ADAM19: variants seen among roughly 807,000 people sequenced by gnomAD.
The protein encoded by ADAM19 is disintegrin and metalloproteinase domain-containing protein 19.
In ADAM19, 65 loss-of-function variants were observed where a neutral mutation model predicts 114.7. The observed-to-expected ratio is 0.57, with a 90% CI of 0.46 to 0.70. The LOEUF (loss-of-function observed/expected upper bound fraction) is 0.70, where lower values mean the gene tolerates loss of function less well. ADAM19 is among the 30% of genes least tolerant of loss of function. ADAM19 has a pLI of 0.00. For missense variants in ADAM19, 1,063 were observed against 1,204.7 expected (o/e 0.88, Z 1.74); for synonymous variants, 466 against 460.5 (o/e 1.01, Z -0.15).
At position 157,497,072 on chromosome 5, in the gene ADAM19, G is replaced by T. The variant is rs1223702544; in HGVS notation, c.1416C>A (p.Thr472=). The T allele has an allele frequency of 6.6e-7, 1 of 1,526,172 alleles. No homozygotes were observed. Among genetic ancestry groups the T allele is most frequent in the East Asian group, 2.6e-5 (1 of 38,464 alleles). The allele number at this position is 1,526,172 out of a possible 1,614,324, so 94.5% of individuals were successfully genotyped here. Residue 472 remains threonine, a synonymous_variant, in exon 14 of 23, where the codon ACC becomes ACA. Coordinates refer to ENST00000257527, the MANE Select transcript of ADAM19 (RefSeq NM_033274.5). ...ACTGCCTGGCCTGCTCGCGGCACAG[G>T]GTCCCAGGAGCCAACAGCTGAGCCA... The part of the protein sequence containing the change: ...CHQCKLLAPG[T]LCREQARQCD...
intron 9 of ADAM19, among the ~76,000 whole-genome samples, chr5:157,507,724 C>T (rs990448981): frequency 1.1e-4 from 17 of 152,196 alleles, no homozygotes; most frequent in Admixed American, 6.5e-5. Context: ...CAAGAATGAG[C>T]TGTTTCTGCC....
At chr5:157,572,803 A>T (rs960352021) in intron 1 of ADAM19, among the ~76,000 whole-genome samples, 1 of 152,202 alleles carries the variant, frequency 6.6e-6, no homozygotes, top group Non-Finnish European at 1.5e-5. Flanking sequence ...TAATCTCAGC[A>T]CTTTGGAGGT....
At chr5:157,535,013 C>G (rs553171633) in intron 4 of ADAM19, among the ~76,000 whole-genome samples, 126 of 151,970 alleles carry the variant, frequency 8.3e-4, no homozygotes, top group African/African-American at 3.0e-3. Context: ...GTTACTTTTC[C>G]CCTTCTCCTC....
At chr5:157,553,146 T>C (rs1036025229) in intron 3 of ADAM19, among the ~76,000 whole-genome samples, 7 of 152,310 alleles carry the variant, frequency 4.6e-5, no homozygotes, top group Admixed American at 2.0e-4. Context: ...CTACAGTCTA[T>C]AATAATTTAA....
At chr5:157,524,875 G>T (rs967628680) in intron 5 of ADAM19, among the ~76,000 whole-genome samples, 20 of 152,218 alleles carry the variant, frequency 1.3e-4, no homozygotes, top group African/African-American at 4.6e-4. Flanking sequence ...ACAGCTAACG[G>T]TCATTGATTG....
chr5:157,549,496 CCATT>C (rs1757132478), intron 3 of ADAM19, among the ~76,000 whole-genome samples: 1 of 152,174 alleles, frequency 6.6e-6, no homozygotes, highest in Non-Finnish European at 1.5e-5. Context: ...TTCTCATTCT[CCATT>C]CATCTCATCT....
In ADAM19 at chr5:157,509,327, C is replaced by T. The variant is rs769208886; in HGVS notation, c.879G>A (p.Lys293=). Residue 293 remains lysine (K), a synonymous_variant, in exon 9 of 23, where the codon AAG becomes AAA. Transcript: ENST00000257527. ...TGATTAATTGGGCGTTGTCATGGTA[C>T]TTCTGGGCAAGCAGCTTGCGCCTCC... ...LSWRRKLLAQ[K]YHDNAQLITG... The T allele has an allele frequency of 6.2e-7, 1 of 1,611,456 alleles. No individual in the cohort carries two copies.
chr5:157,545,141 G>T (rs1757014425), intron 3 of ADAM19, among the ~76,000 whole-genome samples: 1 of 152,142 alleles, frequency 6.6e-6, no homozygotes, highest in Admixed American at 6.5e-5. Context: ...TCATAAACTT[G>T]CCCAATGTTT....
At chr5:157,541,450 T>C (rs1245808920) in intron 3 of ADAM19, among the ~76,000 whole-genome samples, 1 of 152,192 alleles carries the variant, frequency 6.6e-6, no homozygotes, top group East Asian at 1.9e-4. Flanking sequence ...CAGAAATCAG[T>C]AGGACACTCT....
intron 3 of ADAM19, among the ~76,000 whole-genome samples, chr5:157,552,677 CAAAAAAAAAA>C (rs778402112): frequency 1.7e-5 from 1 of 59,380 alleles, no homozygotes; most frequent in Non-Finnish European, 3.3e-5. Flanking sequence ...GGACTCTACT[CAAAAAAAAAA>C]AAAAAAAAAA....
intron 12 of ADAM19, among the ~76,000 whole-genome samples, chr5:157,501,776 C>A (rs569359799): frequency 6.7e-6 from 1 of 149,768 alleles, no homozygotes; most frequent in Non-Finnish European, 1.5e-5. Context: ...AGGCAGGGTG[C>A]GGTGGCTCAC....
rs1398417852 is a variant in ADAM19, at chr5:157,568,733, AAG to A, written c.180+2160_180+2161del. ...TGAGCTTTAAGTCAGTGATGAGAAA[AAG>A]AGAAGAAAAAAATGTTTAATGAGTG... is the stretch of plus-strand genomic sequence containing the variant. On this transcript the variant is annotated intron_variant, in intron 2 of 22. Transcript: ENST00000257527. 4 of 152,308 alleles carry A rather than the reference AAG, an allele frequency of 2.6e-5. No homozygotes were observed. The South Asian group carries it at 6.2e-4, about 24-fold the overall frequency. The allele number at this position is 152,308 out of a possible 1,614,324, so 9.4% of individuals were successfully genotyped here. A position where few individuals can be genotyped will look rare whatever the true frequency, so the allele number is the denominator to read the frequency against.
At chr5:157,540,781 C>T (rs769596815) in intron 3 of ADAM19, among the ~76,000 whole-genome samples, 14 of 152,206 alleles carry the variant, frequency 9.2e-5, no homozygotes, top group Non-Finnish European at 2.1e-4. Flanking sequence ...CTACCCACTC[C>T]ATTTCTGACC....
At chr5:157,489,228 T>C in intron 19 of ADAM19, 42 bp from the exon 20 acceptor site, 1 of 1,442,646 alleles carries the variant, frequency 6.9e-7, no homozygotes, top group South Asian at 1.2e-5. Flanking sequence ...GGGGACGATG[T>C]TCAGCAGGGG....
intron 3 of ADAM19, among the ~76,000 whole-genome samples, chr5:157,544,770 A>T (rs557059379): frequency 2.2e-4 from 33 of 152,374 alleles, no homozygotes; most frequent in African/African-American, 7.7e-4. Context: ...AGAAAAATCT[A>T]AAAGCGAAAA....
chr5:157,530,798 G>C lies in ADAM19; in HGVS notation c.407+9C>G. On this transcript the variant is annotated intron_variant, in intron 5 of 22. Transcript: ENST00000257527. ...GCCCGGTGCCACCTGCAGCCTCAGG[G>C]TCTCTTACCTAATTCCTCGGCAAGT... The C allele has an allele frequency of 1.2e-6, 2 of 1,613,042 alleles. No individual in the cohort carries two copies. The highest frequency in any genetic ancestry group is 1.7e-6 in the Non-Finnish European group (2 of 1,179,044).
At chr5:157,523,639 G>C (rs1457346482) in intron 5 of ADAM19, among the ~76,000 whole-genome samples, 2 of 152,182 alleles carry the variant, frequency 1.3e-5, no homozygotes, top group African/African-American at 4.8e-5. Context: ...CTCACCAGAA[G>C]CAGATGCTGG....
intron 13 of ADAM19, among the ~76,000 whole-genome samples, chr5:157,498,712 G>A (rs368731966): frequency 9.1e-5 from 9 of 98,828 alleles, no homozygotes; most frequent in Admixed American, 9.6e-5. Flanking sequence ...ATATATATAT[G>A]GATATGGATA....
chr5:157,527,943 A>C (rs1352587002), intron 5 of ADAM19, among the ~76,000 whole-genome samples: 1 of 152,170 alleles, frequency 6.6e-6, no homozygotes, highest in Non-Finnish European at 1.5e-5. Context: ...AGCTCAGCTG[A>C]ATTCCTCTTG....
Sources: gnomAD v4.1 joint callset for allele counts (sites outside exome capture counted in the v4.1 genomes callset) on GRCh38, gnomAD v4.1.1 for gene constraint, MANE v1.5 for transcripts, NCBI Gene and HGNC (gene_info 2026-07-23, HGNC 2026-07-21) for gene names.